LMNB1: variants seen among roughly 807,000 people sequenced by gnomAD.
LMNB1 encodes lamin-B1.
In LMNB1, 23 loss-of-function variants were observed where a neutral mutation model predicts 67.1. The ratio of observed to expected loss-of-function variants is 0.34; its 90% CI spans 0.25 to 0.49. The LOEUF is 0.49. Ranked by LOEUF, LMNB1 falls within the 20% of genes least tolerant of loss-of-function variation. The pLI is 0.99. For synonymous variants in LMNB1, 281 were observed against 282.9 expected (o/e 0.99, Z 0.07); for missense variants, 634 against 746.5 (o/e 0.85, Z 1.76).
chr5:126,787,546 A>ATATATATTTTTTTTTTTTTTTTT lies in LMNB1; in HGVS notation c.359+9680_359+9681insATATATTTTTTTTTTTTTTTTTT. ...GGGGTATATATATATATATATATATATTTTTTTTTTTTTTTTTTGAGATAG... is the reference window on the plus strand; with the variant it reads ...GGGGTATATATATATATATATATATATATATATTTTTTTTTTTTTTTTTTTTTTTTTTTTTTTTTTTGAGATAG... On this transcript the variant is annotated intron_variant, in intron 1 of 10. Transcript: ENST00000261366. Among the ~76,000 whole-genome samples, 31 of 65,554 alleles carry ATATATATTTTTTTTTTTTTTTTT rather than the reference A, an allele frequency of 4.7e-4. 1 individual carries two copies. Among genetic ancestry groups the ATATATATTTTTTTTTTTTTTTTT allele is most frequent in the Non-Finnish European group, 7.4e-4 (27 of 36,656 alleles). 43.0% of individuals were successfully genotyped at this position (65,554 alleles called of 152,430 possible). A position where few individuals can be genotyped will look rare whatever the true frequency, so the allele number is the denominator to read the frequency against.
At chr5:126,777,985 C>T in intron 1 of LMNB1, 118 bp downstream of exon 1, 1 of 921,434 alleles carries the variant, frequency 1.1e-6, no homozygotes, top group Non-Finnish European at 1.5e-6. Flanking sequence ...ACGCGTCCTT[C>T]TGAAGGAACA....
At chr5:126,800,977 A>AATTTTTTTTT (rs1481273764) in intron 1 of LMNB1, among the ~76,000 whole-genome samples, 19 of 38,266 alleles carry the variant, frequency 5.0e-4, no homozygotes, top group African/African-American at 1.2e-3. Context: ...ATATATATAT[A>AATTTTTTTTT]TATAATTTTT....
chr5:126,810,208 A>C lies in LMNB1; in HGVS notation c.671A>C (p.Glu224Ala). The change falls in exon 4 of 11, where the codon GAA becomes GCA. Residue 224 changes from glutamate (E) to alanine (A), a missense_variant. Glu to Ala is a moderately radical substitution (Grantham distance 107). Coordinates refer to ENST00000261366, the MANE Select transcript of LMNB1 (RefSeq NM_005573.4). Reference sequence around the variant, plus strand: ...ATTAACGAGACCAGAAGGAAGCATGAAACGCGCTTGGTAGAGGTGGATTCT... The same window carrying C: ...ATTAACGAGACCAGAAGGAAGCATGCAACGCGCTTGGTAGAGGTGGATTCT... ...EEINETRRKH[E>A]TRLVEVDSGR... 1 of 1,613,286 alleles carries C rather than the reference A, an allele frequency of 6.2e-7. No homozygotes were observed. Among genetic ancestry groups the C allele is most frequent in the Non-Finnish European group, 8.5e-7 (1 of 1,179,310 alleles).
chr5:126,783,840 G>A (rs1750693222), intron 1 of LMNB1, among the ~76,000 whole-genome samples: 1 of 151,836 alleles, frequency 6.6e-6, no homozygotes, highest in South Asian at 2.1e-4. Flanking sequence ...TATGCCATTA[G>A]TGTAAGTCTC....
Position 126,819,854 on chromosome 5 carries a change from T to C in LMNB1, c.1160+712T>C, listed in dbSNP as rs143754983. Among the ~76,000 whole-genome samples, 358 of 152,142 alleles carry C rather than the reference T, an allele frequency of 2.4e-3. 1 individual carries two copies. The highest frequency in any genetic ancestry group is 8.3e-3 in the African/African-American group (346 of 41,520). ...TTTGACACCTGTTCTCAGAAAAGAGTTCCAAAAGGGCCAGGTGCATTGCCT... is the reference window on the plus strand; with the variant it reads ...TTTGACACCTGTTCTCAGAAAAGAGCTCCAAAAGGGCCAGGTGCATTGCCT... On this transcript the variant is annotated intron_variant, in intron 6 of 10. Transcript: ENST00000261366.
chr5:126,810,378 A>G lies in LMNB1; in HGVS notation c.813+28A>G, dbSNP rs751720118. On this transcript the variant is annotated intron_variant, in intron 4 of 10. Coordinates refer to ENST00000261366, the MANE Select transcript of LMNB1 (RefSeq NM_005573.4). ...GAGCTCTCTTCAGAAGATTCTTTTG[A>G]ACACTTAAAATCATTACTTCACAAT... 1.9e-6 allele frequency: 3 copies of G among 1,544,096 alleles called. No individual in the cohort carries two copies. The South Asian group carries it at 3.5e-5, about 18-fold the overall frequency.
chr5:126,787,711 C>T (rs1377718882), intron 1 of LMNB1, among the ~76,000 whole-genome samples: 3 of 150,906 alleles, frequency 2.0e-5, no homozygotes, highest in South Asian at 2.1e-4. Context: ...CCACCACACT[C>T]GGCTAATTTT....
At position 126,796,370 on chromosome 5, in the gene LMNB1, G is replaced by A. The variant is rs377467607; in HGVS notation, c.360-8406G>A. On this transcript the variant is annotated intron_variant, in intron 1 of 10. Transcript: ENST00000261366. Reference sequence around the variant, plus strand: ...AAGGACACCCAGGGAGTGAGAGAGAGTCATCCTCACAGAAGGACTAGTGCA... The same window carrying A: ...AAGGACACCCAGGGAGTGAGAGAGAATCATCCTCACAGAAGGACTAGTGCA... 3.9e-5 allele frequency among the ~76,000 whole-genome samples: 6 copies of A among 152,264 alleles called. No homozygotes were observed. The South Asian group carries it at 1.2e-3, about 32-fold the overall frequency.
At chr5:126,830,044 T>C (rs1419294887) in intron 9 of LMNB1, among the ~76,000 whole-genome samples, 1 of 152,248 alleles carries the variant, frequency 6.6e-6, no homozygotes, top group South Asian at 2.1e-4. Context: ...TGATTACTTA[T>C]ATATGTAGAG....
At chr5:126,790,357 C>T (rs569552295) in intron 1 of LMNB1, among the ~76,000 whole-genome samples, 11 of 152,162 alleles carry the variant, frequency 7.2e-5, no homozygotes, top group Admixed American at 2.0e-4. Flanking sequence ...CTGCCTGCCT[C>T]GGCCTCCCAA....
At chr5:126,814,247 G>T (rs769517273) in intron 5 of LMNB1, among the ~76,000 whole-genome samples, 1 of 152,120 alleles carries the variant, frequency 6.6e-6, no homozygotes, top group African/African-American at 2.4e-5. Flanking sequence ...CTCTGTTCTT[G>T]TACTGAGTTG....
Position 126,818,184 on chromosome 5 carries a change from G to A in LMNB1, c.940-738G>A, listed in dbSNP as rs1751759698. Among the ~76,000 whole-genome samples, 3 of 151,454 alleles carry A rather than the reference G, an allele frequency of 2.0e-5. No homozygotes were observed. The South Asian group carries it at 6.3e-4, about 32-fold the overall frequency. ...GTTTCTGAATATTCCTCAGCAGTCT[G>A]CTAAAACGTACTTTTACCCACTCTT... is the stretch of plus-strand genomic sequence containing the variant. On this transcript the variant is annotated intron_variant, in intron 5 of 10. Transcript: ENST00000261366.
At chr5:126,793,884 A>G (rs1228786857) in intron 1 of LMNB1, among the ~76,000 whole-genome samples, 1 of 149,816 alleles carries the variant, frequency 6.7e-6, no homozygotes, top group Non-Finnish European at 1.5e-5. Flanking sequence ...CTCCAAAAAG[A>G]AAGAAAGAAA....
intron 10 of LMNB1, among the ~76,000 whole-genome samples, chr5:126,835,628 T>C (rs1752231990): frequency 6.6e-6 from 1 of 152,226 alleles, no homozygotes; most frequent in African/African-American, 2.4e-5. Context: ...TAAAATTATA[T>C]ATAGATAGCT....
intron 3 of LMNB1, among the ~76,000 whole-genome samples, chr5:126,806,093 T>C (rs1362662990): frequency 6.6e-6 from 1 of 152,132 alleles, no homozygotes; most frequent in Non-Finnish European, 1.5e-5. Flanking sequence ...TAGCTGGAAC[T>C]ACAGGCGTGC....
chr5:126,792,192 G>T (rs1248640887), intron 1 of LMNB1, among the ~76,000 whole-genome samples: 1 of 149,310 alleles, frequency 6.7e-6, no homozygotes, highest in Non-Finnish European at 1.5e-5. Flanking sequence ...ACCCAGACTG[G>T]AGTACAGCGG....
At chr5:126,804,666 T>C in intron 1 of LMNB1, 110 bp from the exon 2 acceptor site, 1 of 956,284 alleles carries the variant, frequency 1.0e-6, no homozygotes, top group East Asian at 2.7e-5. Flanking sequence ...TGATAGGTGA[T>C]GGGAGCCTTT....
intron 5 of LMNB1, among the ~76,000 whole-genome samples, chr5:126,814,067 G>T (rs1358960115): frequency 6.6e-6 from 1 of 151,946 alleles, no homozygotes; most frequent in East Asian, 1.9e-4. Context: ...TGCTAATTTT[G>T]TATTTTTGGT....
intron 1 of LMNB1, 27 bp downstream of exon 1, chr5:126,777,894 G>A: frequency 7.2e-7 from 1 of 1,382,028 alleles, no homozygotes; most frequent in Non-Finnish European, 9.3e-7. Flanking sequence ...GGCCGCGTTA[G>A]CGCCAAGGAG....
Sources: allele counts gnomAD v4.1 joint callset (sites outside exome capture counted in the v4.1 genomes callset), GRCh38; gene constraint gnomAD v4.1.1; transcripts MANE v1.5; gene names NCBI Gene and HGNC (gene_info 2026-07-23, HGNC 2026-07-21).